The following TRIM9 variants were observed in gnomAD, a reference collection of about 807,000 sequenced individuals.
TRIM9 encodes E3 ubiquitin-protein ligase TRIM9.
TRIM9 carries 26 observed loss-of-function variants against 78.3 expected under a neutral mutation model. That is an observed-to-expected ratio of 0.33 (90% confidence interval 0.24 to 0.46). The LOEUF is 0.46. TRIM9 is among the 20% of genes least tolerant of loss of function. The probability of loss-of-function intolerance (pLI) is 1.00; values close to 1 mark genes in which losing one functional copy is unlikely to be tolerated. For synonymous variants in TRIM9, 398 were observed against 416.5 expected (o/e 0.96, Z 0.54); for missense variants, 787 against 1,036.4 (o/e 0.76, Z 3.30).
Position 51,094,433 on chromosome 14 carries a change from C to G in TRIM9, c.507G>C (p.Gln169His). Reference protein sequence around the residue: ...QQSKAAALKCQLCEKAPKEAT... With the variant: ...QQSKAAALKCHLCEKAPKEAT... Reference sequence around the variant, plus strand: ...CTTCCTTGGGCGCCTTCTCGCAGAGCTGGCACTTGAGGGCCGCGGCTTTGC... The same window carrying G: ...CTTCCTTGGGCGCCTTCTCGCAGAGGTGGCACTTGAGGGCCGCGGCTTTGC... Residue 169 changes from glutamine to histidine, a missense_variant, in exon 1 of 13, where the codon CAG (glutamine) becomes CAC (histidine). Coordinates refer to ENST00000684578, the MANE Select transcript of TRIM9 (RefSeq NM_001387360.1). 6 of 1,613,966 alleles carry G rather than the reference C, an allele frequency of 3.7e-6. No homozygotes were observed. Among genetic ancestry groups the G allele is most frequent in the Non-Finnish European group, 5.1e-6 (6 of 1,180,012 alleles).
intron 1 of TRIM9, among the ~76,000 whole-genome samples, chr14:51,071,194 T>C (rs940091455): frequency 6.6e-6 from 1 of 151,590 alleles, no homozygotes; most frequent in African/African-American, 2.4e-5. Flanking sequence ...CCGGACAACA[T>C]GGCAAAACCC....
At chr14:50,987,346 G>A (rs2052851755) in intron 7 of TRIM9, among the ~76,000 whole-genome samples, 2 of 152,192 alleles carry the variant, frequency 1.3e-5, no homozygotes, top group African/African-American at 4.8e-5. Context: ...CCTATGTGAA[G>A]AGCTCTGAAC....
chr14:50,996,893 C>G (rs1040987616), intron 7 of TRIM9: 2 of 985,424 alleles, frequency 2.0e-6, no homozygotes, highest in African/African-American at 3.5e-5. Context: ...ACTGTTTTCA[C>G]GGCTAGGGGC....
intron 2 of TRIM9, among the ~76,000 whole-genome samples, chr14:51,024,010 A>G (rs1474164621): frequency 6.6e-6 from 1 of 152,238 alleles, no homozygotes; most frequent in East Asian, 1.9e-4. Context: ...TCTTCGTATA[A>G]GGAATGCATT....
At chr14:51,075,760 G>C (rs2062721200) in intron 1 of TRIM9, among the ~76,000 whole-genome samples, 1 of 152,202 alleles carries the variant, frequency 6.6e-6, no homozygotes, top group Non-Finnish European at 1.5e-5. Flanking sequence ...CCAAGGCGGG[G>C]AGTGGGTCTG....
At chr14:51,093,984 G>C in intron 1 of TRIM9, 134 bp downstream of exon 1, 3 of 829,002 alleles carry the variant, frequency 3.6e-6, no homozygotes, top group Non-Finnish European at 5.7e-6. Context: ...CACCAGACCA[G>C]GGAGGTAAAC....
chr14:50,990,612 C>A (rs1480967377), intron 7 of TRIM9, among the ~76,000 whole-genome samples: 1 of 152,126 alleles, frequency 6.6e-6, no homozygotes, highest in Admixed American at 6.5e-5. Flanking sequence ...AGAGGAAAAG[C>A]AAACAGATTG....
At chr14:51,027,398 C>A (rs1340876032) in intron 1 of TRIM9, among the ~76,000 whole-genome samples, 2 of 152,132 alleles carry the variant, frequency 1.3e-5, no homozygotes, top group African/African-American at 4.8e-5. Flanking sequence ...CCCACCTCGA[C>A]CTCCCAAAGT....
intron 1 of TRIM9, among the ~76,000 whole-genome samples, chr14:51,029,960 A>G (rs1268606275): frequency 6.6e-6 from 1 of 152,224 alleles, no homozygotes; most frequent in Non-Finnish European, 1.5e-5. Context: ...AGGTGAGAGG[A>G]TGACTATGAT....
intron 1 of TRIM9, among the ~76,000 whole-genome samples, chr14:51,074,271 G>T (rs973465350): frequency 6.6e-6 from 1 of 151,788 alleles, no homozygotes; most frequent in African/African-American, 2.4e-5. Context: ...AAAAGTAATG[G>T]AAAAAAATTC....
At chr14:51,019,813 T>C (rs548083997) in intron 3 of TRIM9, among the ~76,000 whole-genome samples, 4 of 152,184 alleles carry the variant, frequency 2.6e-5, no homozygotes, top group Non-Finnish European at 5.9e-5. Context: ...ATGAGAAACC[T>C]AGTAAGTGAG....
At chr14:51,007,582 G>C (rs1181799144) in intron 5 of TRIM9, among the ~76,000 whole-genome samples, 1 of 152,198 alleles carries the variant, frequency 6.6e-6, no homozygotes, top group African/African-American at 2.4e-5. Context: ...GCTCAGGCAA[G>C]TAACCCAGTC....
chr14:51,051,723 T>C (rs952189078), intron 1 of TRIM9, among the ~76,000 whole-genome samples: 2 of 152,076 alleles, frequency 1.3e-5, no homozygotes, highest in African/African-American at 2.4e-5. Flanking sequence ...TCCCAGCACT[T>C]TGGGAGGCTG....
chr14:51,085,849 A>G (rs1376647228), intron 1 of TRIM9, among the ~76,000 whole-genome samples: 1 of 152,142 alleles, frequency 6.6e-6, no homozygotes, highest in African/African-American at 2.4e-5. Context: ...TCCATGGTTG[A>G]GCTGGTAAAA....
At chr14:51,031,693 C>T (rs1263751986) in intron 1 of TRIM9, among the ~76,000 whole-genome samples, 1 of 151,994 alleles carries the variant, frequency 6.6e-6, no homozygotes, top group Non-Finnish European at 1.5e-5. Flanking sequence ...CCTTTTTACA[C>T]ATTAAAATCT....
At chr14:51,040,261 A>G (rs1336408928) in intron 1 of TRIM9, among the ~76,000 whole-genome samples, 1 of 152,252 alleles carries the variant, frequency 6.6e-6, no homozygotes, top group African/African-American at 2.4e-5. Context: ...CAACAGAAAT[A>G]GTTGACTGAA....
At chr14:51,023,070 T>C in intron 2 of TRIM9, 113 bp from the exon 3 acceptor site, 1 of 1,384,912 alleles carries the variant, frequency 7.2e-7, no homozygotes, top group Non-Finnish European at 9.8e-7. Flanking sequence ...CTGTCCACAA[T>C]GCACATTTGG....
At position 50,975,587 on chromosome 14, in the gene TRIM9, T is replaced by C. The variant is rs546863335; in HGVS notation, c.*1704A>G. 9 of 152,742 alleles carry C rather than the reference T, an allele frequency of 5.9e-5. No homozygotes were observed. The highest frequency in any genetic ancestry group is 2.2e-4 in the African/African-American group (9 of 41,552). 9.5% of individuals were successfully genotyped at this position (152,742 alleles called of 1,614,324 possible). ...TAGGTACACTTAACTAGAAAAAGATTGTAACTGATAGAAATAATCTAAATA... is the reference window on the plus strand; with the variant it reads ...TAGGTACACTTAACTAGAAAAAGATCGTAACTGATAGAAATAATCTAAATA... On this transcript the variant is annotated 3_prime_UTR_variant, in exon 13 of 13. Transcript: ENST00000684578.
intron 1 of TRIM9, among the ~76,000 whole-genome samples, chr14:51,077,743 G>A (rs2062934553): frequency 6.6e-6 from 1 of 152,046 alleles, no homozygotes; most frequent in African/African-American, 2.4e-5. Flanking sequence ...CATTCCTGGT[G>A]GAAAAGACAC....
Sources: allele counts gnomAD v4.1 joint callset (sites outside exome capture counted in the v4.1 genomes callset), GRCh38; gene constraint gnomAD v4.1.1; transcripts MANE v1.5; gene names NCBI Gene and HGNC (gene_info 2026-07-23, HGNC 2026-07-21).